BSPH1: variants seen among roughly 807,000 people sequenced by gnomAD.
BSPH1 encodes binder of sperm 1.
A neutral mutation model predicts 22.5 loss-of-function variants in BSPH1; 21 were observed. The ratio of observed to expected loss-of-function variants is 0.93; its 90% CI spans 0.66 to 1.35. The LOEUF (loss-of-function observed/expected upper bound fraction) is 1.35, where lower values mean the gene tolerates loss of function less well. Ranked by LOEUF, BSPH1 falls within the 40% of genes most tolerant of loss-of-function variation. BSPH1 has a pLI of 0.00. For missense variants in BSPH1, 141 were observed against 154.2 expected, an observed-to-expected ratio of 0.91 and a Z score of 0.45; for synonymous variants, 42 against 53.6, an observed-to-expected ratio of 0.78 and a Z score of 0.95.
chr19:47,987,717 G>A (rs60465051), intron 1 of BSPH1, among the ~76,000 whole-genome samples: 2 of 152,080 alleles, frequency 1.3e-5, no homozygotes, highest in African/African-American at 4.8e-5. Flanking sequence ...AGAACCTTTA[G>A]GCAGGGCTGG....
At position 47,979,664 on chromosome 19, in the gene BSPH1, C is replaced by A. The variant is rs865865328; in HGVS notation, c.95-65G>T. Reference sequence around the variant, plus strand: ...TATTAGGCTTTAAAATGGGCTCTTACGTAAAATAAAATTAAATAAAAATGT... The same window carrying A: ...TATTAGGCTTTAAAATGGGCTCTTAAGTAAAATAAAATTAAATAAAAATGT... On this transcript the variant is annotated intron_variant, in intron 2 of 5. Coordinates refer to ENST00000344839, the MANE Select transcript of BSPH1 (RefSeq NM_001128326.2). The A allele has an allele frequency of 4.6e-6, 3 of 653,842 alleles. No individual in the cohort carries two copies. The South Asian group carries it at 7.4e-5, about 16-fold the overall frequency. The allele number at this position is 653,842 out of a possible 1,614,324, so 40.5% of individuals were successfully genotyped here.
intron 5 of BSPH1, among the ~76,000 whole-genome samples, chr19:47,969,989 A>C (rs1329780996): frequency 7.1e-6 from 1 of 141,082 alleles, no homozygotes; most frequent in Non-Finnish European, 1.6e-5. Flanking sequence ...TGAGAGAGAG[A>C]CTTTAGAATT....
At chr19:47,986,423 C>T (rs1440852282) in intron 1 of BSPH1, among the ~76,000 whole-genome samples, 1 of 152,150 alleles carries the variant, frequency 6.6e-6, no homozygotes, top group Non-Finnish European at 1.5e-5. Context: ...TCTGTGATTG[C>T]TTCTTCCTTG....
chr19:47,976,944 T>C (rs1205388943), intron 4 of BSPH1, 90 bp from the exon 5 acceptor site: 2 of 1,221,464 alleles, frequency 1.6e-6, no homozygotes, highest in African/African-American at 3.0e-5. Flanking sequence ...TGCACACATA[T>C]GCACACATGT....
intron 2 of BSPH1, among the ~76,000 whole-genome samples, chr19:47,980,709 A>C (rs1233777116): frequency 1.3e-5 from 2 of 151,840 alleles, no homozygotes; most frequent in African/African-American, 4.8e-5. Context: ...TGACCTCGTG[A>C]TCCCCCTGCC....
intron 5 of BSPH1, among the ~76,000 whole-genome samples, chr19:47,973,217 A>AG (rs1426122265): frequency 1.0e-5 from 1 of 95,472 alleles, no homozygotes; most frequent in African/African-American, 4.2e-5. Context: ...ACTCCGTCTC[A>AG]AAATAATAAT....
chr19:47,976,597 C>CAA (rs1162262236), intron 5 of BSPH1, 113 bp downstream of exon 5: 7 of 314,288 alleles, frequency 2.2e-5, no homozygotes, highest in Admixed American at 6.2e-5. Context: ...AAAAAAAAAA[C>CAA]AAAAAAAAAC....
chr19:47,981,014 C>T (rs1023018645), intron 1 of BSPH1, 73 bp from the exon 2 acceptor site: 1 of 826,518 alleles, frequency 1.2e-6, no homozygotes, highest in Non-Finnish European at 1.9e-6. Flanking sequence ...TCACCAATTT[C>T]TATTCTAGTA....
At chr19:47,977,723 A>G in intron 3 of BSPH1, 2 of 978,386 alleles carry the variant, frequency 2.0e-6, no homozygotes, top group Non-Finnish European at 2.4e-6. Context: ...TCCAGGTTAT[A>G]AACAGTCTCA....
At position 47,977,505 on chromosome 19, in the gene BSPH1, C is replaced by T; in HGVS notation, c.125-1G>A. On this transcript the variant is annotated splice_acceptor_variant, in intron 3 of 5. Coordinates refer to ENST00000344839, the MANE Select transcript of BSPH1 (RefSeq NM_001128326.2). LOFTEE classifies it high-confidence loss of function. ...TGGAATGGAAAGACACACTCCCCAT[C>T]TAGAGAAAACAAAATTCTTCCTCTG... The T allele has an allele frequency of 3.2e-6, 5 of 1,551,426 alleles. No individual in the cohort carries two copies. Among genetic ancestry groups the T allele is most frequent in the South Asian group, 1.2e-5 (1 of 83,976 alleles).
chr19:47,981,595 G>A (rs1025756618), intron 1 of BSPH1, among the ~76,000 whole-genome samples: 10 of 152,168 alleles, frequency 6.6e-5, no homozygotes, highest in Non-Finnish European at 1.3e-4. Flanking sequence ...TCCCCCCGGA[G>A]GGGTTGGTTC....
In BSPH1 at chr19:47,968,648, C is replaced by G. The variant is rs1228036466; in HGVS notation, c.*3-439G>C. On this transcript the variant is annotated intron_variant, in intron 5 of 5. Coordinates refer to ENST00000344839, the MANE Select transcript of BSPH1 (RefSeq NM_001128326.2). ...AGTGGCATGATCATAACTCACTGCA[C>G]TCCAGCCTGAGTGACAGAGCAAGAC... 3.5e-5 allele frequency among the ~76,000 whole-genome samples: 5 copies of G among 144,434 alleles called. No homozygotes were observed. The East Asian group carries it at 1.0e-3, about 29-fold the overall frequency. The allele number at this position is 144,434 out of a possible 152,430, so 94.8% of individuals were successfully genotyped here. A position where few individuals can be genotyped will look rare whatever the true frequency, so the allele number is the denominator to read the frequency against.
At chr19:47,985,638 C>T (rs1969463521) in intron 1 of BSPH1, among the ~76,000 whole-genome samples, 1 of 152,020 alleles carries the variant, frequency 6.6e-6, no homozygotes, top group South Asian at 2.1e-4. Context: ...AGTTCGAGAC[C>T]AGCCTGGCCA....
chr19:47,976,956 CA>C (rs1221620482), intron 4 of BSPH1, 102 bp from the exon 5 acceptor site: 1 of 1,147,464 alleles, frequency 8.7e-7, no homozygotes, highest in African/African-American at 1.6e-5. Context: ...CACACATGTG[CA>C]TGCACGTGAA....
chr19:47,972,149 TA>T (rs1350610260), intron 5 of BSPH1, among the ~76,000 whole-genome samples: 1 of 152,214 alleles, frequency 6.6e-6, no homozygotes, highest in African/African-American at 2.4e-5. Context: ...TCAACATGTG[TA>T]AACGGTGAGT....
At chr19:47,971,506 T>A (rs1969311498) in intron 5 of BSPH1, among the ~76,000 whole-genome samples, 1 of 152,228 alleles carries the variant, frequency 6.6e-6, no homozygotes, top group South Asian at 2.1e-4. Context: ...GCACCCAGCC[T>A]GTATTCTGTC....
At chr19:47,988,863 T>C (rs1969496070) in intron 1 of BSPH1, among the ~76,000 whole-genome samples, 1 of 152,268 alleles carries the variant, frequency 6.6e-6, no homozygotes, top group Admixed American at 6.5e-5. Flanking sequence ...TTCCTAGCCC[T>C]GGAACAAGAT....
chr19:47,978,054 A>T (rs1023641805), intron 3 of BSPH1, among the ~76,000 whole-genome samples: 10 of 145,670 alleles, frequency 6.9e-5, no homozygotes, highest in Admixed American at 6.8e-4. Flanking sequence ...ACACACATAC[A>T]GGCACACATA....
chr19:47,975,262 C>T (rs767270647), intron 5 of BSPH1, among the ~76,000 whole-genome samples: 12 of 152,188 alleles, frequency 7.9e-5, no homozygotes. Flanking sequence ...AACTCCAGGG[C>T]TCAAGCAATC....
Sources: gnomAD v4.1 joint callset for allele counts (sites outside exome capture counted in the v4.1 genomes callset) on GRCh38, gnomAD v4.1.1 for gene constraint, MANE v1.5 for transcripts, NCBI Gene and HGNC (gene_info 2026-07-23, HGNC 2026-07-21) for gene names.